APBB2: variants seen among roughly 807,000 people sequenced by gnomAD.
The protein encoded by APBB2 is Fe65-like 1.
APBB2 carries 38 observed loss-of-function variants against 82.5 expected under a neutral mutation model. The observed-to-expected ratio is 0.46, with a 90% CI of 0.36 to 0.60. The LOEUF (loss-of-function observed/expected upper bound fraction) is 0.60. APBB2 is among the 20% of genes least tolerant of loss of function. The pLI is 0.00. For synonymous variants in APBB2, 341 were observed against 368.2 expected (o/e 0.93, Z 0.85); for missense variants, 772 against 972.3 (o/e 0.79, Z 2.74).
At position 40,893,357 on chromosome 4, in the gene APBB2, G is replaced by A. The variant is rs774064130; in HGVS notation, c.1309C>T (p.Pro437Ser). 1.2e-6 allele frequency: 2 copies of A among 1,613,480 alleles called. No individual in the cohort carries two copies. The highest frequency in any genetic ancestry group is 2.2e-5 in the South Asian group (2 of 90,896). ...WVEMAEEDLAPGKSSVAVNNC... is the reference protein window; with the variant it reads ...WVEMAEEDLASGKSSVAVNNC... Reference sequence around the variant, plus strand: ...TTGACCGCAACACTACTTTTACCGGGGGCGAGGTCCTCTTCTGCCATCTCT... The same window carrying A: ...TTGACCGCAACACTACTTTTACCGGAGGCGAGGTCCTCTTCTGCCATCTCT... Residue 437 changes from proline to serine, a missense_variant, in exon 11 of 18, where the codon CCC becomes TCC. Transcript: ENST00000508593.
chr4:41,159,966 GAAGAAGAAGAAGAAGAAGAAGAAGA>G lies in APBB2; in HGVS notation c.-416-16849_-416-16825del, dbSNP rs1764586067. 2.3e-5 allele frequency among the ~76,000 whole-genome samples: 2 copies of G among 87,106 alleles called. 1 individual carries two copies. Among genetic ancestry groups the G allele is most frequent in the African/African-American group, 8.9e-5 (2 of 22,540 alleles). 57.1% of individuals were successfully genotyped at this position (87,106 alleles called of 152,430 possible). The stretch of plus-strand genomic sequence containing the variant: ...AGGAGAAGGAGAAGGAGAAGGAGAA[GAAGAAGAAGAAGAAGAAGAAGAAGA>G]AGAAGAAGAAGAAGAAGAAGAAGAA... On this transcript the variant is annotated intron_variant, in intron 1 of 17. Transcript: ENST00000508593.
At chr4:41,061,672 A>T (rs550885543) in intron 4 of APBB2, among the ~76,000 whole-genome samples, 1 of 152,348 alleles carries the variant, frequency 6.6e-6, no homozygotes, top group Non-Finnish European at 1.5e-5. Flanking sequence ...TAACATAAAC[A>T]CAAATATCTG....
intron 12 of APBB2, among the ~76,000 whole-genome samples, chr4:40,854,784 C>T (rs1489350954): frequency 1.2e-5 from 1 of 83,252 alleles, no homozygotes; most frequent in African/African-American, 6.6e-5. Context: ...AGCGAAAGTC[C>T]ATCTCCAAAA....
At chr4:41,193,700 C>A in intron 1 of APBB2, 1 of 284,250 alleles carries the variant, frequency 3.5e-6, no homozygotes, top group Non-Finnish European at 5.3e-6. Context: ...CAGCAACTGT[C>A]TGAAAAACAC....
chr4:40,908,791 G>C (rs1210994767), intron 10 of APBB2, among the ~76,000 whole-genome samples: 2 of 152,158 alleles, frequency 1.3e-5, no homozygotes, highest in East Asian at 3.8e-4. Flanking sequence ...AGCCGACAAT[G>C]GGGGAGCCCG....
chr4:40,835,190 C>T (rs899790701), intron 12 of APBB2, among the ~76,000 whole-genome samples: 123 of 151,348 alleles, frequency 8.1e-4, no homozygotes, highest in Non-Finnish European at 1.5e-3. Context: ...GCAGGAGAAT[C>T]GCTTGAACCC....
chr4:40,954,059 C>A (rs1000920797), intron 6 of APBB2, among the ~76,000 whole-genome samples: 4 of 152,174 alleles, frequency 2.6e-5, no homozygotes, highest in African/African-American at 9.7e-5. Context: ...GGCGCCAGGG[C>A]TAGGGGCCTG....
At chr4:41,040,961 A>G (rs1579477355) in intron 4 of APBB2, among the ~76,000 whole-genome samples, 5 of 152,174 alleles carry the variant, frequency 3.3e-5, no homozygotes, top group South Asian at 2.1e-4. Context: ...GCTCACTGCA[A>G]GCTCCGCCTC....
intron 1 of APBB2, among the ~76,000 whole-genome samples, chr4:41,160,011 GAA>G (rs1764665415): frequency 6.7e-6 from 1 of 149,700 alleles, no homozygotes; most frequent in African/African-American, 2.5e-5. Flanking sequence ...AGAAGAAGAA[GAA>G]GAAGAAGAAG....
At chr4:41,126,230 A>T (rs1754357815) in intron 2 of APBB2, among the ~76,000 whole-genome samples, 1 of 151,878 alleles carries the variant, frequency 6.6e-6, no homozygotes, top group South Asian at 2.1e-4. Context: ...AAAAAAAAAA[A>T]AAAATTAGCT....
intron 1 of APBB2, among the ~76,000 whole-genome samples, chr4:41,178,767 A>G: frequency 6.6e-6 from 1 of 152,250 alleles, no homozygotes; most frequent in East Asian, 1.9e-4. Flanking sequence ...TGAGTCACCC[A>G]AGACCACATT....
intron 4 of APBB2, among the ~76,000 whole-genome samples, chr4:41,048,872 G>A (rs1382663031): frequency 2.0e-5 from 3 of 152,156 alleles, no homozygotes; most frequent in East Asian, 1.9e-4. Context: ...ACAGGGTTTC[G>A]CTGTGTTGGC....
At position 40,972,497 on chromosome 4, in the gene APBB2, C is replaced by T. The variant is rs1796218972; in HGVS notation, c.836-27424G>A. On this transcript the variant is annotated intron_variant, in intron 6 of 17. Coordinates refer to ENST00000508593, the MANE Select transcript of APBB2 (RefSeq NM_004307.2). The stretch of plus-strand genomic sequence containing the variant: ...ATCCCTAATATATTTAATTTGTCCA[C>T]TTTTATATACTTTAAGTCATCCACT... Among the ~76,000 whole-genome samples, 4 of 151,778 alleles carry T rather than the reference C, an allele frequency of 2.6e-5. No homozygotes were observed. The South Asian group carries it at 8.3e-4, about 32-fold the overall frequency.
chr4:40,979,228 A>G (rs750788027), intron 6 of APBB2, among the ~76,000 whole-genome samples: 10 of 152,234 alleles, frequency 6.6e-5, no homozygotes, highest in Admixed American at 5.2e-4. Flanking sequence ...CTAGAAATTA[A>G]TATTTTTATG....
chr4:41,073,716 A>G (rs949705529), intron 3 of APBB2, among the ~76,000 whole-genome samples: 3 of 152,342 alleles, frequency 2.0e-5, no homozygotes, highest in South Asian at 4.1e-4. Flanking sequence ...AAATGTGTAA[A>G]CATACCAATA....
At position 40,858,122 on chromosome 4, in the gene APBB2, C is replaced by A. The variant is rs76746632; in HGVS notation, c.1530-27545G>T. Among the ~76,000 whole-genome samples the A allele has an allele frequency of 1.4e-3, 209 of 152,212 alleles. 2 individuals carry two copies. The highest frequency in any genetic ancestry group is 4.9e-3 in the African/African-American group (202 of 41,520). The stretch of plus-strand genomic sequence containing the variant: ...TCATCTCTAGCTGAGCGCCCCTCCC[C>A]CCATATACATGGAAGCAGAAAATGT... On this transcript the variant is annotated intron_variant, in intron 12 of 17. Coordinates refer to ENST00000508593, the MANE Select transcript of APBB2 (RefSeq NM_004307.2).
chr4:41,075,791 T>C (rs896876984), intron 3 of APBB2, among the ~76,000 whole-genome samples: 8 of 152,380 alleles, frequency 5.3e-5, no homozygotes, highest in African/African-American at 1.9e-4. Flanking sequence ...ATAACTGACC[T>C]TTTTTCTATT....
chr4:40,878,944 T>C (rs909439245), intron 12 of APBB2, among the ~76,000 whole-genome samples: 6 of 152,290 alleles, frequency 3.9e-5, no homozygotes, highest in African/African-American at 1.4e-4. Context: ...AATTGGGTTC[T>C]TGCTTGAGGA....
chr4:40,863,911 A>AAAAAAAAAAAC (rs1763406104), intron 12 of APBB2, among the ~76,000 whole-genome samples: 2 of 149,868 alleles, frequency 1.3e-5, no homozygotes, highest in African/African-American at 2.5e-5. Flanking sequence ...AAAAAAAAAA[A>AAAAAAAAAAAC]AAAAAGCAAG....
Sources: gnomAD v4.1 joint callset for allele counts (sites outside exome capture counted in the v4.1 genomes callset) on GRCh38, gnomAD v4.1.1 for gene constraint, MANE v1.5 for transcripts, NCBI Gene and HGNC (gene_info 2026-07-23, HGNC 2026-07-21) for gene names.